The following PPP2R2C variants were observed in gnomAD, a reference collection of about 807,000 sequenced individuals.
PPP2R2C encodes protein phosphatase 2, regulatory subunit B, gamma.
PPP2R2C carries 10 observed loss-of-function variants against 45.3 expected under a neutral mutation model. The observed-to-expected ratio is 0.22, with a 90% CI of 0.14 to 0.37. The LOEUF (loss-of-function observed/expected upper bound fraction) is 0.37, where lower values mean the gene tolerates loss of function less well. Among genes scored for constraint, PPP2R2C ranks in the 10% least tolerant of loss-of-function variants. The pLI, the probability that PPP2R2C is intolerant of heterozygous loss-of-function variation, is 1.00. For missense variants in PPP2R2C, 308 were observed against 619.7 expected, an observed-to-expected ratio of 0.50 and a Z score of 5.34; for synonymous variants, 257 against 245.4, an observed-to-expected ratio of 1.05 and a Z score of -0.44.
rs117748477 is a variant in PPP2R2C at position 6,416,883 on chromosome 4, G to C, written c.71-35789C>G. ...TGGCCTCTCTCCCTTCCCCCTGTCG[G>C]GGGGAGACTGACTGACGCTGGAGTA... On this transcript the variant is annotated intron_variant, in intron 1 of 8. Coordinates refer to ENST00000382599, the MANE Select transcript of PPP2R2C (RefSeq NM_020416.4). Among the ~76,000 whole-genome samples, 195 of 152,330 alleles carry C rather than the reference G, an allele frequency of 1.3e-3. 4 individuals are homozygous for C. In the East Asian group the frequency reaches 0.032, roughly 25 times the overall value.
At chr4:6,501,850 C>T (rs1480471853) in intron 2 of PPP2R2C, among the ~76,000 whole-genome samples, 1 of 152,238 alleles carries the variant, frequency 6.6e-6, no homozygotes, top group East Asian at 1.9e-4. Context: ...TGGCCTATGA[C>T]AGGTCCCATA....
intron 1 of PPP2R2C, among the ~76,000 whole-genome samples, chr4:6,421,274 T>C (rs73206177): frequency 0.018 from 2,778 of 152,234 alleles, 44 homozygotes; most frequent in Non-Finnish European, 0.028. Context: ...GGCTGGCCCC[T>C]GAAGGCCGTG....
At chr4:6,537,300 C>G (rs1724658543) in intron 1 of PPP2R2C, among the ~76,000 whole-genome samples, 1 of 151,982 alleles carries the variant, frequency 6.6e-6, no homozygotes, top group Non-Finnish European at 1.5e-5. Flanking sequence ...CTCATCAGTG[C>G]AGAGAAATGT....
chr4:6,335,687 G>A (rs1308571172), intron 6 of PPP2R2C, among the ~76,000 whole-genome samples: 1 of 151,962 alleles, frequency 6.6e-6, no homozygotes, highest in East Asian at 1.9e-4. Context: ...CAGGGCTGCA[G>A]AGCCCAGGTG....
chr4:6,538,557 A>C (rs1305128122), intron 1 of PPP2R2C, among the ~76,000 whole-genome samples: 5 of 152,212 alleles, frequency 3.3e-5, no homozygotes, highest in Non-Finnish European at 7.3e-5. Context: ...AAATGAGATG[A>C]GGTCACGTCA....
chr4:6,366,599 G>T (rs1026526441), intron 5 of PPP2R2C, among the ~76,000 whole-genome samples: 1 of 152,194 alleles, frequency 6.6e-6, no homozygotes. Context: ...GGCTTAGAGG[G>T]GCTCTGACCA....
At chr4:6,520,071 C>T (rs1015202531) in intron 2 of PPP2R2C, among the ~76,000 whole-genome samples, 5 of 152,088 alleles carry the variant, frequency 3.3e-5, no homozygotes, top group South Asian at 2.1e-4. Context: ...GCCCCCAAGG[C>T]GCTTTAACAG....
At chr4:6,387,646 A>C (rs1436462264) in intron 1 of PPP2R2C, among the ~76,000 whole-genome samples, 1 of 152,046 alleles carries the variant, frequency 6.6e-6, no homozygotes, top group Non-Finnish European at 1.5e-5. Context: ...CCCTGTCTCT[A>C]CTAAAAATAC....
rs148788165 is a variant in PPP2R2C at position 6,556,307 on chromosome 4, G to A, written c.-59+7253C>T. ...GCCTGAATGGAACAAAAAGGCAGGA[G>A]AAGGGAGAATTCACTCTCTCTGTCT... On this transcript the variant is annotated intron_variant, in intron 1 of 9. Coordinates refer to the PPP2R2C transcript ENST00000506140. Among the ~76,000 whole-genome samples, 103 of 152,320 alleles carry A rather than the reference G, an allele frequency of 6.8e-4. 2 individuals are homozygous for A. The East Asian group carries it at 0.015, about 22-fold the overall frequency.
At chr4:6,396,746 G>A (rs1275905637) in intron 1 of PPP2R2C, among the ~76,000 whole-genome samples, 1 of 152,254 alleles carries the variant, frequency 6.6e-6, no homozygotes, top group African/African-American at 2.4e-5. Flanking sequence ...GTTTGCCAGT[G>A]CAGTTAACAA....
rs150031814 is a variant in PPP2R2C at position 6,491,369 on chromosome 4, A to G, written c.49+43902T>C. On this transcript the variant is annotated intron_variant, in intron 2 of 9. Transcript: ENST00000506140. ...ATGGGGCAGGCTACTGGGGTATGTC[A>G]TGGTGGGCCAAGCCAGGGGGCCATG... Among the ~76,000 whole-genome samples, 10 of 152,298 alleles carry G rather than the reference A, an allele frequency of 6.6e-5. No homozygotes were observed. In the East Asian group the frequency reaches 1.9e-3, roughly 29 times the overall value.
chr4:6,333,156 G>A (rs868084530), intron 7 of PPP2R2C, among the ~76,000 whole-genome samples: 7 of 152,142 alleles, frequency 4.6e-5, no homozygotes, highest in African/African-American at 1.2e-4. Flanking sequence ...CACTGCTTAC[G>A]GATGCACCCT....
chr4:6,348,582 C>G, intron 5 of PPP2R2C: 1 of 926,602 alleles, frequency 1.1e-6, no homozygotes, highest in Non-Finnish European at 1.3e-6. Flanking sequence ...AAAGGTTCTT[C>G]TGGGTTTCTG....
intron 1 of PPP2R2C, among the ~76,000 whole-genome samples, chr4:6,552,511 TTTCTCCCTCTCTTCTC>T (rs1725216870): frequency 6.6e-6 from 1 of 152,154 alleles, no homozygotes; most frequent in South Asian, 2.1e-4. Context: ...CTCCTCTTTC[TTTCTCCCTCTCTTCTC>T]TTCTCCCTCT....
Position 6,486,080 on chromosome 4 carries a change from A to G in PPP2R2C, c.49+49191T>C, listed in dbSNP as rs1428114699. ...AGCGACATCTCATAGATTTTGATAC[A>G]CTGTGTTTTCATATTCATTCACGTA... On this transcript the variant is annotated intron_variant, in intron 2 of 9. Coordinates refer to the PPP2R2C transcript ENST00000506140. Among the ~76,000 whole-genome samples, 5 of 152,046 alleles carry G rather than the reference A, an allele frequency of 3.3e-5. No homozygotes were observed. The East Asian group carries it at 7.7e-4, about 23-fold the overall frequency.
intron 1 of PPP2R2C, among the ~76,000 whole-genome samples, chr4:6,543,804 A>T (rs977651822): frequency 1.3e-5 from 2 of 152,206 alleles, no homozygotes; most frequent in African/African-American, 4.8e-5. Context: ...CCACCTCATG[A>T]CCATGAGCAA....
At chr4:6,486,267 A>C (rs1344004232) in intron 2 of PPP2R2C, among the ~76,000 whole-genome samples, 1 of 151,906 alleles carries the variant, frequency 6.6e-6, no homozygotes, top group Non-Finnish European at 1.5e-5. Flanking sequence ...GTCCCTTTAC[A>C]TTTATTGAGA....
At chr4:6,356,392 C>T (rs999103160) in intron 5 of PPP2R2C, among the ~76,000 whole-genome samples, 3 of 152,178 alleles carry the variant, frequency 2.0e-5, no homozygotes, top group Non-Finnish European at 4.4e-5. Context: ...GCCAATTGCT[C>T]AGGGACAAGG....
chr4:6,559,785 C>T (rs1210294068), intron 1 of PPP2R2C, among the ~76,000 whole-genome samples: 1 of 152,226 alleles, frequency 6.6e-6, no homozygotes, highest in African/African-American at 2.4e-5. Context: ...TCACCAGACA[C>T]TGAATCCGCC....
Sources: allele counts gnomAD v4.1 joint callset (sites outside exome capture counted in the v4.1 genomes callset), GRCh38; gene constraint gnomAD v4.1.1; transcripts MANE v1.5; gene names NCBI Gene and HGNC (gene_info 2026-07-23, HGNC 2026-07-21).